KLF8: variants seen among roughly 807,000 people sequenced by gnomAD.
The protein encoded by KLF8 is Krueppel-like factor 8.
KLF8 carries 10 observed loss-of-function variants against 18.2 expected under a neutral mutation model. The observed-to-expected ratio is 0.55, with a 90% confidence interval of 0.34 to 0.93. The LOEUF (loss-of-function observed/expected upper bound fraction) is 0.93, where lower values mean the gene tolerates loss of function less well. KLF8 is among the 40% of genes least tolerant of loss of function. The pLI is 0.02. For missense variants in KLF8, 264 were observed against 277.9 expected (o/e 0.95, Z 0.36); for synonymous variants, 109 against 97.3 (o/e 1.12, Z -0.71).
the KLF8 span, among the ~76,000 whole-genome samples, chrX:56,184,268 T>G: frequency 1.8e-5 from 2 of 112,160 alleles, no homozygotes; most frequent in Non-Finnish European, 3.8e-5. Flanking sequence ...TCTCACTGAT[T>G]GCTAGCACAG....
chrX:56,180,194 T>A, the KLF8 span, among the ~76,000 whole-genome samples: 1 of 111,803 alleles, frequency 8.9e-6, no homozygotes, highest in Admixed American at 9.5e-5. Flanking sequence ...ATTCAGCAAT[T>A]CAACTTCTTC....
chrX:55,960,147 C>T, the KLF8 span, among the ~76,000 whole-genome samples: 2 of 112,006 alleles, frequency 1.8e-5, no homozygotes, highest in Non-Finnish European at 3.8e-5. Context: ...CCAAACTAAG[C>T]TTCATAAGTG....
At chrX:56,069,954 A>G in the KLF8 span, among the ~76,000 whole-genome samples, 1 of 112,904 alleles carries the variant, frequency 8.9e-6, no homozygotes, top group Non-Finnish European at 1.9e-5. Flanking sequence ...ATGCACACAT[A>G]TGTTTATTGC....
the KLF8 span, among the ~76,000 whole-genome samples, chrX:56,078,377 C>T: frequency 8.9e-6 from 1 of 111,895 alleles, no homozygotes; most frequent in Non-Finnish European, 1.9e-5. Context: ...GTCAAAGGCC[C>T]TTTCTGCATC....
At chrX:56,187,081 A>G in the KLF8 span, among the ~76,000 whole-genome samples, 3 of 111,879 alleles carry the variant, frequency 2.7e-5, no homozygotes, top group Non-Finnish European at 5.6e-5. Context: ...TAATGAATCT[A>G]GGAGCTGGTT....
At chrX:56,016,060 T>C in the KLF8 span, among the ~76,000 whole-genome samples, 1 of 112,010 alleles carries the variant, frequency 8.9e-6, no homozygotes, top group East Asian at 2.8e-4. Context: ...GAGCATTTGC[T>C]TCTAGAGATT....
At chrX:55,917,719 T>C in the KLF8 span, among the ~76,000 whole-genome samples, 1 of 111,604 alleles carries the variant, frequency 9.0e-6, no homozygotes, top group Non-Finnish European at 1.9e-5. Flanking sequence ...TTTTCTTGAG[T>C]ATTCAAGGGT....
At chrX:56,195,915 G>A in the KLF8 span, among the ~76,000 whole-genome samples, 1 of 111,938 alleles carries the variant, frequency 8.9e-6, no homozygotes, top group Non-Finnish European at 1.9e-5. Context: ...AGAAGAGAGT[G>A]GGGGCCAACA....
At chrX:55,914,283 T>G in the KLF8 span, among the ~76,000 whole-genome samples, 2 of 111,932 alleles carry the variant, frequency 1.8e-5, no homozygotes, top group Admixed American at 9.5e-5. Flanking sequence ...TTGTTCAATA[T>G]ATATGCCATG....
At chrX:55,912,502 C>T in the KLF8 span, among the ~76,000 whole-genome samples, 372 of 111,180 alleles carry the variant, frequency 3.3e-3, no homozygotes, top group African/African-American at 0.011. Context: ...AATTTCAGCA[C>T]TCAAGTTTCA....
chrX:56,278,036 C>CA (rs997382354), intron 5 of KLF8, among the ~76,000 whole-genome samples: 3 of 112,565 alleles, frequency 2.7e-5, no homozygotes, highest in Non-Finnish European at 5.6e-5. Flanking sequence ...GCCTGGGACT[C>CA]ACGCTTGAGG....
the KLF8 span, among the ~76,000 whole-genome samples, chrX:55,941,291 T>C: frequency 8.9e-6 from 1 of 112,292 alleles, no homozygotes; most frequent in South Asian, 3.7e-4. Context: ...ATTTAATAAA[T>C]GGTGCTAGGA....
chrX:56,014,817 G>GTTTTTTTTTTTTTTTTTTTTTTTTTTTT, the KLF8 span: 1 of 59,370 alleles, frequency 1.7e-5, no homozygotes. Context: ...ACAAGATCAT[G>GTTTTTTTTTTTTTTTTTTTTTTTTTTTT]TTTTTTTTTT....
chrX:56,018,452 T>G, the KLF8 span, among the ~76,000 whole-genome samples: 1 of 110,689 alleles, frequency 9.0e-6, no homozygotes, highest in South Asian at 3.8e-4. Context: ...GACTTTAGAG[T>G]TTTTTCTATT....
chrX:56,071,394 G>C, the KLF8 span, among the ~76,000 whole-genome samples: 1 of 111,322 alleles, frequency 9.0e-6, no homozygotes, highest in Non-Finnish European at 1.9e-5. Context: ...GATCACAGGG[G>C]TTCAAAATAA....
At chrX:56,160,100 A>G in the KLF8 span, among the ~76,000 whole-genome samples, 6 of 111,473 alleles carry the variant, frequency 5.4e-5, no homozygotes, top group East Asian at 1.1e-3. Context: ...CTTTGTTCTC[A>G]TTGGTTTCAA....
the KLF8 span, among the ~76,000 whole-genome samples, chrX:56,174,244 G>C: frequency 9.0e-6 from 1 of 111,727 alleles, no homozygotes; most frequent in Non-Finnish European, 1.9e-5. Flanking sequence ...GTCATAGATA[G>C]CTCTTTTTAT....
chrX:56,155,978 AG>A, the KLF8 span, among the ~76,000 whole-genome samples: 1 of 111,926 alleles, frequency 8.9e-6, no homozygotes, highest in Non-Finnish European at 1.9e-5. Context: ...GTTGCTATAA[AG>A]AACATGATTT....
chrX:56,019,279 G>T, the KLF8 span, among the ~76,000 whole-genome samples: 1 of 112,391 alleles, frequency 8.9e-6, no homozygotes, highest in East Asian at 2.8e-4. Context: ...CAGCCCCCTG[G>T]AGATTGTTAT....
Sources: gnomAD v4.1 joint callset for allele counts (sites outside exome capture counted in the v4.1 genomes callset) on GRCh38, gnomAD v4.1.1 for gene constraint, MANE v1.5 for transcripts, NCBI Gene and HGNC (gene_info 2026-07-23, HGNC 2026-07-21) for gene names.